Variants in PRUNE2 observed in about 807,000 individuals in gnomAD.
PRUNE2 encodes the protein protein prune homolog 2.
A neutral mutation model predicts 252.0 loss-of-function variants in PRUNE2; 164 were observed. The ratio of observed to expected loss-of-function variants is 0.65; its 90% CI spans 0.57 to 0.74. The LOEUF is 0.74. PRUNE2 is among the 30% of genes least tolerant of loss of function. The pLI is 0.00. For missense variants in PRUNE2, 3,495 were observed against 3,711.0 expected, an observed-to-expected ratio of 0.94 and a Z score of 1.51; for synonymous variants, 1,292 against 1,350.2, an observed-to-expected ratio of 0.96 and a Z score of 0.94.
At chr9:76,724,900 C>T (rs1051136274) in intron 6 of PRUNE2, among the ~76,000 whole-genome samples, 1 of 152,088 alleles carries the variant, frequency 6.6e-6, no homozygotes, top group Admixed American at 6.6e-5. Context: ...TATACGGGAA[C>T]GAATAATTCA....
chr9:76,789,202 A>G (rs1414515679), intron 6 of PRUNE2, among the ~76,000 whole-genome samples: 2 of 152,224 alleles, frequency 1.3e-5, no homozygotes, highest in Non-Finnish European at 2.9e-5. Context: ...CACCTTCCAG[A>G]TAATTCCTCC....
In PRUNE2 at chr9:76,636,518, T is replaced by A. The variant is rs1564398352; in HGVS notation, c.9003A>T (p.Pro3001=). The A allele has an allele frequency of 1.3e-6, 2 of 1,558,156 alleles. No homozygotes were observed. The highest frequency in any genetic ancestry group is 1.7e-4 in the Middle Eastern group (1 of 6,006). Residue 3001 remains proline, a synonymous_variant, in exon 15 of 19, where the codon CCA becomes CCT. Transcript: ENST00000376718. ...KNLKSFIIVH[P]SWFIRTILAV... ...CAAGGATTGTTCTGATGAACCAAGA[T>A]GGATGAACAATGATGAATGATTTCA...
At chr9:76,831,266 GA>G (rs932258417) in intron 4 of PRUNE2, among the ~76,000 whole-genome samples, 33 of 150,002 alleles carry the variant, frequency 2.2e-4, no homozygotes, top group Admixed American at 2.0e-3. Flanking sequence ...AGGCATTTCA[GA>G]AAAAAATGAA....
chr9:76,766,882 C>A (rs139163019), intron 6 of PRUNE2, among the ~76,000 whole-genome samples: 74 of 152,304 alleles, frequency 4.9e-4, no homozygotes, highest in Non-Finnish European at 8.8e-4. Context: ...TCAACTCATA[C>A]ACAGGCATAC....
chr9:76,652,414 G>A lies in PRUNE2; in HGVS notation c.8557+69C>T, dbSNP rs983153220. Reference sequence around the variant, plus strand: ...AAAAAGGATCCACTGGCACAAAAATGAGAGGTCTGTTAGAAAATCTTTTAC... The same window carrying A: ...AAAAAGGATCCACTGGCACAAAAATAAGAGGTCTGTTAGAAAATCTTTTAC... On this transcript the variant is annotated intron_variant, in intron 11 of 18. Transcript: ENST00000376718. The A allele has an allele frequency of 9.3e-6, 10 of 1,071,650 alleles. No individual in the cohort carries two copies. The Admixed American group carries it at 1.8e-4, about 19-fold the overall frequency. The allele number at this position is 1,071,650 out of a possible 1,614,324, so 66.4% of individuals were successfully genotyped here. A position where few individuals can be genotyped will look rare whatever the true frequency, so the allele number is the denominator to read the frequency against.
chr9:76,896,174 C>G (rs1262862433), intron 1 of PRUNE2, among the ~76,000 whole-genome samples: 1 of 152,220 alleles, frequency 6.6e-6, no homozygotes. Flanking sequence ...AGCCACCTCC[C>G]TTTCCATCAT....
intron 10 of PRUNE2, among the ~76,000 whole-genome samples, chr9:76,654,462 G>T (rs1227883662): frequency 6.6e-6 from 1 of 152,202 alleles, no homozygotes; most frequent in Non-Finnish European, 1.5e-5. Context: ...TCAGGAATTT[G>T]CAGAGCAGTG....
intron 1 of PRUNE2, among the ~76,000 whole-genome samples, chr9:76,877,984 C>A (rs2061561389): frequency 6.6e-6 from 1 of 152,188 alleles, no homozygotes; most frequent in African/African-American, 2.4e-5. Flanking sequence ...GTAGTGTTAT[C>A]AATAGATTCC....
At chr9:76,741,622 C>T (rs1346299673) in intron 6 of PRUNE2, among the ~76,000 whole-genome samples, 1 of 152,206 alleles carries the variant, frequency 6.6e-6, no homozygotes, top group Admixed American at 6.5e-5. Flanking sequence ...ACATACCTCA[C>T]AAACTTCCTG....
At chr9:76,805,511 T>A (rs2056872663) in intron 6 of PRUNE2, among the ~76,000 whole-genome samples, 1 of 152,194 alleles carries the variant, frequency 6.6e-6, no homozygotes, top group East Asian at 1.9e-4. Context: ...GGGAAGATCG[T>A]CTGAGCCTGG....
Position 76,708,395 on chromosome 9 carries a change from C to T in PRUNE2, c.3879G>A (p.Leu1293=), listed in dbSNP as rs777789583. 1.2e-6 allele frequency: 2 copies of T among 1,613,860 alleles called. No homozygotes were observed. Among genetic ancestry groups the T allele is most frequent in the East Asian group, 2.2e-5 (1 of 44,846 alleles). ...TCGCCAAGGATGCTGCATCACTTTG[C>T]AGGGTTTCCCTCTCTGTGTCCTGCT... is the stretch of plus-strand genomic sequence containing the variant. The part of the protein sequence containing the change: ...LDKQDTERET[L]QSDAASLATR... Residue 1293 remains leucine (L), a synonymous_variant, in exon 8 of 19, where the codon CTG becomes CTA. Transcript: ENST00000376718.
At chr9:76,724,425 G>A (rs1242928151) in intron 6 of PRUNE2, among the ~76,000 whole-genome samples, 3 of 150,954 alleles carry the variant, frequency 2.0e-5, no homozygotes, top group Non-Finnish European at 4.4e-5. Flanking sequence ...TGCAGTGAGC[G>A]GAGATCCCAT....
chr9:76,613,355 C>G lies in PRUNE2; in HGVS notation c.*1215G>C, dbSNP rs922903344. 5 of 152,196 alleles carry G rather than the reference C, an allele frequency of 3.3e-5. No homozygotes were observed. Among genetic ancestry groups the G allele is most frequent in the African/African-American group, 9.6e-5 (4 of 41,454 alleles). The allele number at this position is 152,196 out of a possible 1,614,324, so 9.4% of individuals were successfully genotyped here. On this transcript the variant is annotated 3_prime_UTR_variant, in exon 19 of 19. Coordinates refer to ENST00000376718, the MANE Select transcript of PRUNE2 (RefSeq NM_015225.3). ...ATACGGTCTGCTGAACTGCTCAGCT[C>G]TGCGGCTGTAGTGTGAAAGTAGCTG...
intron 6 of PRUNE2, among the ~76,000 whole-genome samples, chr9:76,789,016 A>C (rs1009393966): frequency 6.6e-6 from 1 of 152,202 alleles, no homozygotes; most frequent in African/African-American, 2.4e-5. Context: ...GGGAGGGCCT[A>C]GTAGGAGCTT....
chr9:76,703,978 T>C lies in PRUNE2; in HGVS notation c.7635A>G (p.Ala2545=), dbSNP rs763841624. 30 of 1,613,974 alleles carry C rather than the reference T, an allele frequency of 1.9e-5. No individual in the cohort carries two copies. Among genetic ancestry groups the C allele is most frequent in the Non-Finnish European group, 2.5e-5 (29 of 1,179,862 alleles). ...RCTEKNEDRH[A]LHMDYILVNR... ...TTACAAGTATGTAATCCATGTGTAG[T>C]GCATGACGATCTTCATTCTTCTCTG... Residue 2545 remains alanine (A), a synonymous_variant, in exon 9 of 19, where the codon GCA becomes GCG. Coordinates refer to ENST00000376718, the MANE Select transcript of PRUNE2 (RefSeq NM_015225.3).
intron 4 of PRUNE2, among the ~76,000 whole-genome samples, chr9:76,832,925 A>T (rs537951426): frequency 1.3e-5 from 2 of 152,266 alleles, no homozygotes; most frequent in African/African-American, 4.8e-5. Flanking sequence ...AAATTTTAGA[A>T]GACATGGACA....
intron 1 of PRUNE2, among the ~76,000 whole-genome samples, chr9:76,858,786 A>C: frequency 6.6e-6 from 1 of 151,856 alleles, no homozygotes. Context: ...AGAAAAAAAA[A>C]GAAAGTGGCA....
intron 4 of PRUNE2, 135 bp from the exon 5 acceptor site, chr9:76,826,867 C>T (rs1212682865): frequency 1.8e-5 from 12 of 660,956 alleles, no homozygotes; most frequent in African/African-American, 3.7e-5. Context: ...GTCCTCCACA[C>T]GTAACATTCA....
chr9:76,632,695 C>T (rs1344969284), intron 15 of PRUNE2, among the ~76,000 whole-genome samples: 1 of 152,134 alleles, frequency 6.6e-6, no homozygotes, highest in Non-Finnish European at 1.5e-5. Flanking sequence ...GTAGCTAGGA[C>T]TACAGGCACA....
Sources: gnomAD v4.1 joint callset for allele counts (sites outside exome capture counted in the v4.1 genomes callset) on GRCh38, gnomAD v4.1.1 for gene constraint, MANE v1.5 for transcripts, NCBI Gene and HGNC (gene_info 2026-07-23, HGNC 2026-07-21) for gene names.